SLC39A9: variants seen among roughly 807,000 people sequenced by gnomAD.
The protein encoded by SLC39A9 is zinc transporter ZIP9.
Under a neutral mutation model 28.4 loss-of-function variants are expected in SLC39A9, and 14 were observed. The observed-to-expected ratio is 0.49, with a 90% confidence interval of 0.33 to 0.77. The LOEUF (loss-of-function observed/expected upper bound fraction) is 0.77. Among genes scored for constraint, SLC39A9 ranks in the 30% least tolerant of loss-of-function variants. The pLI, the probability that SLC39A9 is intolerant of heterozygous loss-of-function variation, is 0.02. For synonymous variants in SLC39A9, 119 were observed against 149.6 expected, an observed-to-expected ratio of 0.80 and a Z score of 1.49; for missense variants, 283 against 381.1, an observed-to-expected ratio of 0.74 and a Z score of 2.14.
intron 3 of SLC39A9, among the ~76,000 whole-genome samples, chr14:69,443,958 G>A (rs1005916401): frequency 1.3e-5 from 2 of 152,062 alleles, no homozygotes; most frequent in African/African-American, 4.8e-5. Flanking sequence ...GGCTGAGGGG[G>A]AAGGTTCACT....
chr14:69,443,083 T>C (rs72723840), intron 3 of SLC39A9, among the ~76,000 whole-genome samples: 28,581 of 152,168 alleles, frequency 0.19, 2,822 homozygotes, highest in South Asian at 0.27. Context: ...TGAATTTATC[T>C]TTGGCTAGGT....
rs1886129524 is a variant in SLC39A9 at position 69,461,945 on chromosome 14, C to T, written c.*3352C>T. On this transcript the variant is annotated 3_prime_UTR_variant, in exon 7 of 7. Coordinates refer to ENST00000336643, the MANE Select transcript of SLC39A9 (RefSeq NM_018375.5). ...GAACCTTCCTTCCATTAGAAAATTT[C>T]TGCTCAATACAGAATGGTCCACATC... The T allele has an allele frequency of 3.9e-6, 2 of 516,506 alleles. No homozygotes were observed. Among genetic ancestry groups the T allele is most frequent in the South Asian group, 6.7e-5 (2 of 29,786 alleles). 32.0% of individuals were successfully genotyped at this position (516,506 alleles called of 1,614,324 possible).
Position 69,459,080 on chromosome 14 carries a change from G to T in SLC39A9, c.*487G>T. 1 of 987,234 alleles carries T rather than the reference G, an allele frequency of 1.0e-6. No homozygotes were observed. The allele number at this position is 987,234 out of a possible 1,614,324, so 61.2% of individuals were successfully genotyped here. On this transcript the variant is annotated 3_prime_UTR_variant, in exon 7 of 7. Coordinates refer to ENST00000336643, the MANE Select transcript of SLC39A9 (RefSeq NM_018375.5). The stretch of plus-strand genomic sequence containing the variant: ...TCTATGCCACATGCGTTGATGGAAG[G>T]TCATAGCACCCACTCACTTAGATGC...
rs185638141 is a variant in SLC39A9 at position 69,416,469 on chromosome 14, G to T, written c.97-7625G>T. On this transcript the variant is annotated intron_variant, in intron 1 of 6. Coordinates refer to ENST00000336643, the MANE Select transcript of SLC39A9 (RefSeq NM_018375.5). Reference sequence around the variant, plus strand: ...GTCTTTATAGCAGCATGATTTATAAGACTTTGGGTATATACCCAGTAATGG... The same window carrying T: ...GTCTTTATAGCAGCATGATTTATAATACTTTGGGTATATACCCAGTAATGG... 3.0e-3 allele frequency among the ~76,000 whole-genome samples: 450 copies of T among 152,252 alleles called. 3 individuals are homozygous for T. Among genetic ancestry groups the T allele is most frequent in the African/African-American group, 0.01 (435 of 41,542 alleles).
At chr14:69,416,607 A>G (rs761833437) in intron 1 of SLC39A9, among the ~76,000 whole-genome samples, 1 of 152,062 alleles carries the variant, frequency 6.6e-6, no homozygotes, top group Non-Finnish European at 1.5e-5. Context: ...AAGCGTTCCT[A>G]TTTCTCCACA....
Position 69,453,298 on chromosome 14 carries a change from T to G in SLC39A9, c.461T>G (p.Val154Gly), listed in dbSNP as rs1281942566. 1 of 1,613,984 alleles carries G rather than the reference T, an allele frequency of 6.2e-7. No homozygotes were observed. The highest frequency in any genetic ancestry group is 8.5e-7 in the Non-Finnish European group (1 of 1,179,862). Reference protein sequence around the residue: ...SKITTTLGLVVHAAADGVALG... With the variant: ...SKITTTLGLVGHAAADGVALG... ...ATCACCACCACGCTGGGTCTGGTTG[T>G]CCATGCTGCAGGTAGGGTTGGATTG... Residue 154 changes from valine to glycine, a missense_variant, in exon 4 of 7, where the codon GTC (valine) becomes GGC (glycine). By Grantham distance (109) the Val-to-Gly change is moderately radical (BLOSUM62 -3). Transcript: ENST00000336643.
At chr14:69,419,897 A>G (rs1025636630) in intron 1 of SLC39A9, among the ~76,000 whole-genome samples, 1 of 152,156 alleles carries the variant, frequency 6.6e-6, no homozygotes, top group Non-Finnish European at 1.5e-5. Flanking sequence ...GTGTCCCTGC[A>G]TGAGAGATGG....
chr14:69,453,436 G>C (rs1004509359), intron 4 of SLC39A9, 127 bp downstream of exon 4: 1 of 762,572 alleles, frequency 1.3e-6, no homozygotes, highest in African/African-American at 1.7e-5. Flanking sequence ...GTTTCTTAAT[G>C]AAGTCCTCCA....
intron 1 of SLC39A9, among the ~76,000 whole-genome samples, chr14:69,399,935 C>T (rs1882532760): frequency 6.6e-6 from 1 of 152,060 alleles, no homozygotes; most frequent in Non-Finnish European, 1.5e-5. Flanking sequence ...GGCAACGTGG[C>T]GGGACTTTGT....
Position 69,459,032 on chromosome 14 carries a change from C to A in SLC39A9, c.*439C>A, listed in dbSNP as rs1424552625. 2.0e-6 allele frequency: 2 copies of A among 990,328 alleles called. No homozygotes were observed. The highest frequency in any genetic ancestry group is 2.4e-6 in the Non-Finnish European group (2 of 832,472). 61.3% of individuals were successfully genotyped at this position (990,328 alleles called of 1,614,324 possible). Reference sequence around the variant, plus strand: ...CATTGATTTTTAACATGGTTCCCACCATGTAAGACTGGTGCTTTAGCATCT... The same window carrying A: ...CATTGATTTTTAACATGGTTCCCACAATGTAAGACTGGTGCTTTAGCATCT... On this transcript the variant is annotated 3_prime_UTR_variant, in exon 7 of 7. Transcript: ENST00000336643.
chr14:69,407,331 T>TTCCTTCCTTCCTTCCTTCCTTC (rs1566906764), intron 1 of SLC39A9, among the ~76,000 whole-genome samples: 130 of 134,256 alleles, frequency 9.7e-4, no homozygotes, highest in South Asian at 5.6e-3. Flanking sequence ...TTCCTTCCTT[T>TTCCTTCCTTCCTTCCTTCCTTC]CTTCCTTCCT....
intron 1 of SLC39A9, among the ~76,000 whole-genome samples, chr14:69,419,549 A>G (rs1191352627): frequency 8.5e-5 from 13 of 152,152 alleles, no homozygotes; most frequent in Non-Finnish European, 1.2e-4. Context: ...CAAGTCCTGG[A>G]TATCCTTGTT....
At chr14:69,434,835 G>A (rs1884667590) in intron 2 of SLC39A9, among the ~76,000 whole-genome samples, 1 of 152,092 alleles carries the variant, frequency 6.6e-6, no homozygotes, top group Non-Finnish European at 1.5e-5. Flanking sequence ...TTAGAATTGT[G>A]TGATTTAATT....
At chr14:69,438,450 A>G (rs1884887929) in intron 2 of SLC39A9, among the ~76,000 whole-genome samples, 1 of 152,170 alleles carries the variant, frequency 6.6e-6, no homozygotes, top group African/African-American at 2.4e-5. Context: ...TTGTTTTCAG[A>G]ACTCAGTATA....
In SLC39A9 at chr14:69,460,999, TGTCCG is replaced by T; in HGVS notation, c.*2407_*2411del. 4 of 985,518 alleles carry T rather than the reference TGTCCG, an allele frequency of 4.1e-6. No individual in the cohort carries two copies. Among genetic ancestry groups the T allele is most frequent in the Non-Finnish European group, 4.8e-6 (4 of 830,014 alleles). The allele number at this position is 985,518 out of a possible 1,614,324, so 61.0% of individuals were successfully genotyped here. ...GTGGGCAGTATTCCAGGAGAGGCCA[TGTCCG>T]TGTTCACTTCTTGGCACATTTCAGT... On this transcript the variant is annotated 3_prime_UTR_variant, in exon 7 of 7. Transcript: ENST00000336643.
At chr14:69,440,685 G>GT (rs921307620) in intron 2 of SLC39A9, among the ~76,000 whole-genome samples, 7 of 152,162 alleles carry the variant, frequency 4.6e-5, no homozygotes, top group South Asian at 2.1e-4. Flanking sequence ...GTTTTGTTTT[G>GT]TTTTTTTGAG....
intron 2 of SLC39A9, among the ~76,000 whole-genome samples, chr14:69,426,718 G>A (rs1275230886): frequency 1.7e-5 from 2 of 117,438 alleles, no homozygotes; most frequent in African/African-American, 5.4e-5. Context: ...AAGAGGGCAG[G>A]AGAAGGTCAG....
At chr14:69,420,839 A>G (rs1397271973) in intron 1 of SLC39A9, among the ~76,000 whole-genome samples, 1 of 152,198 alleles carries the variant, frequency 6.6e-6, no homozygotes, top group East Asian at 1.9e-4. Flanking sequence ...GTTTTCAGCT[A>G]CATCAGGTCA....
chr14:69,426,637 C>T (rs1884206840), intron 2 of SLC39A9, among the ~76,000 whole-genome samples: 3 of 152,244 alleles, frequency 2.0e-5, no homozygotes, highest in Admixed American at 2.0e-4. Context: ...TAGCATTCCT[C>T]CCCCAAGGGT....
Sources: gnomAD v4.1 joint callset for allele counts (sites outside exome capture counted in the v4.1 genomes callset) on GRCh38, gnomAD v4.1.1 for gene constraint, MANE v1.5 for transcripts, NCBI Gene and HGNC (gene_info 2026-07-23, HGNC 2026-07-21) for gene names.